The following LINGO2 variants were observed in gnomAD, a reference collection of about 807,000 sequenced individuals.
LINGO2 encodes the protein leucine-rich repeat and immunoglobulin-like domain-containing nogo receptor-interacting protein 2.
Under a neutral mutation model 30.6 loss-of-function variants are expected in LINGO2, and 14 were observed. The observed-to-expected ratio is 0.46, with a 90% CI of 0.30 to 0.72. The LOEUF (loss-of-function observed/expected upper bound fraction) is 0.72. LINGO2 is among the 30% of genes least tolerant of loss of function. LINGO2 has a pLI of 0.07. For missense variants in LINGO2, 729 were observed against 751.7 expected (o/e 0.97, Z 0.35); for synonymous variants, 317 against 288.5 (o/e 1.10, Z -1.00).
intron 4 of LINGO2, among the ~76,000 whole-genome samples, chr9:28,089,643 C>A (rs1340457341): frequency 1.3e-5 from 2 of 152,034 alleles, no homozygotes; most frequent in African/African-American, 4.8e-5. Flanking sequence ...CCTAACATCA[C>A]AATGAAAAGA....
chr9:28,508,535 G>T (rs1169733063), intron 1 of LINGO2, among the ~76,000 whole-genome samples: 3 of 151,226 alleles, frequency 2.0e-5, no homozygotes, highest in Non-Finnish European at 4.4e-5. Context: ...AAAAAGTCTA[G>T]CCCATATGTG....
chr9:29,117,888 C>CTAA, the LINGO2 span, among the ~76,000 whole-genome samples: 2 of 152,166 alleles, frequency 1.3e-5, no homozygotes, highest in Admixed American at 1.3e-4. Context: ...AAAGACAGCA[C>CTAA]TAATATTTAG....
chr9:28,902,529 A>G, the LINGO2 span, among the ~76,000 whole-genome samples: 2 of 152,210 alleles, frequency 1.3e-5, no homozygotes, highest in African/African-American at 4.8e-5. Flanking sequence ...ACTTTAGGCC[A>G]GATGAATCTA....
At chr9:29,189,895 G>A in the LINGO2 span, among the ~76,000 whole-genome samples, 7 of 151,098 alleles carry the variant, frequency 4.6e-5, no homozygotes, top group East Asian at 2.0e-4. Flanking sequence ...GCCTGCAATC[G>A]CAGGCACTCA....
chr9:29,051,876 T>C, the LINGO2 span, among the ~76,000 whole-genome samples: 1 of 152,162 alleles, frequency 6.6e-6, no homozygotes, highest in Non-Finnish European at 1.5e-5. Context: ...AAAATGGGAA[T>C]AATATTGATT....
At chr9:28,765,752 A>G in the LINGO2 span, among the ~76,000 whole-genome samples, 1 of 152,030 alleles carries the variant, frequency 6.6e-6, no homozygotes, top group Non-Finnish European at 1.5e-5. Flanking sequence ...CTACAGAATC[A>G]TGAGCCGAAT....
At chr9:27,940,189 T>G in the LINGO2 span, 7 of 152,184 alleles carry the variant, frequency 4.6e-5, no homozygotes, top group African/African-American at 1.7e-4. Flanking sequence ...AATAGATATG[T>G]ATATACGTGT....
chr9:28,839,814 T>C, the LINGO2 span, among the ~76,000 whole-genome samples: 7,449 of 152,198 alleles, frequency 0.049, 579 homozygotes, highest in African/African-American at 0.17. Flanking sequence ...GATCTACCTC[T>C]TTTTTCCCAG....
chr9:28,377,230 G>A (rs1281739548), intron 2 of LINGO2, among the ~76,000 whole-genome samples: 1 of 151,970 alleles, frequency 6.6e-6, no homozygotes, highest in East Asian at 1.9e-4. Flanking sequence ...TGCCATGCCC[G>A]AGAGAGCAAG....
the LINGO2 span, among the ~76,000 whole-genome samples, chr9:28,850,423 T>C: frequency 2.0e-5 from 3 of 151,946 alleles, no homozygotes; most frequent in African/African-American, 4.8e-5. Flanking sequence ...GGTATATGCA[T>C]TGATTATTTG....
the LINGO2 span, among the ~76,000 whole-genome samples, chr9:28,702,321 G>GT: frequency 6.6e-6 from 1 of 151,700 alleles, no homozygotes; most frequent in Non-Finnish European, 1.5e-5. Context: ...TTTATTGAGT[G>GT]TTTTATCATA....
chr9:28,461,766 G>A (rs1825090256), intron 2 of LINGO2, among the ~76,000 whole-genome samples: 1 of 152,100 alleles, frequency 6.6e-6, no homozygotes, highest in South Asian at 2.1e-4. Flanking sequence ...GGCTCCAAAG[G>A]CAAGTAGTAG....
At chr9:28,649,910 C>A (rs1828014262) in intron 1 of LINGO2, among the ~76,000 whole-genome samples, 1 of 151,894 alleles carries the variant, frequency 6.6e-6, no homozygotes, top group Non-Finnish European at 1.5e-5. Flanking sequence ...AGGCAGAGAC[C>A]AGTTTTGTGT....
chr9:28,362,232 GCA>G lies in LINGO2; in HGVS notation c.-246+10602_-246+10603del, dbSNP rs1203605285. Among the ~76,000 whole-genome samples, 592 of 151,372 alleles carry G rather than the reference GCA, an allele frequency of 3.9e-3. 2 individuals carry two copies. The highest frequency in any genetic ancestry group is 0.013 in the African/African-American group (549 of 41,430). The stretch of plus-strand genomic sequence containing the variant: ...TGTGTGTATGTGTGTGTGTGTGTGC[GCA>G]TGCGCATGTGTGTGCACGTGTGTGT... On this transcript the variant is annotated intron_variant, in intron 3 of 5. Coordinates refer to ENST00000379992, the Ensembl canonical transcript of LINGO2.
the LINGO2 span, among the ~76,000 whole-genome samples, chr9:28,715,535 A>G: frequency 1.3e-5 from 2 of 152,122 alleles, no homozygotes; most frequent in Admixed American, 6.6e-5. Flanking sequence ...GGAAGGATGA[A>G]TAAGTTATTT....
chr9:29,114,045 T>G, the LINGO2 span, among the ~76,000 whole-genome samples: 1 of 152,106 alleles, frequency 6.6e-6, no homozygotes. Flanking sequence ...CAAGCATAAT[T>G]TGGGGAGAGT....
chr9:28,251,250 C>T (rs1344710049), intron 4 of LINGO2, among the ~76,000 whole-genome samples: 1 of 151,938 alleles, frequency 6.6e-6, no homozygotes, highest in East Asian at 1.9e-4. Flanking sequence ...TTCCCAAGAA[C>T]CCAGAAGCTA....
chr9:28,860,369 A>C, the LINGO2 span, among the ~76,000 whole-genome samples: 5 of 152,048 alleles, frequency 3.3e-5, no homozygotes, highest in South Asian at 1.0e-3. Context: ...CCTCACCTAT[A>C]AGTTGAAATC....
At chr9:29,163,640 A>C in the LINGO2 span, among the ~76,000 whole-genome samples, 1 of 152,208 alleles carries the variant, frequency 6.6e-6, no homozygotes, top group Non-Finnish European at 1.5e-5. Context: ...CTAATGTATT[A>C]ATACAGAAGA....
Sources: allele counts gnomAD v4.1 joint callset (sites outside exome capture counted in the v4.1 genomes callset), GRCh38; gene constraint gnomAD v4.1.1; transcripts MANE v1.5; gene names NCBI Gene and HGNC (gene_info 2026-07-23, HGNC 2026-07-21).